PCSK2: variants seen among roughly 807,000 people sequenced by gnomAD.
PCSK2 encodes the protein neuroendocrine convertase 2.
In PCSK2, 14 loss-of-function variants were observed where a neutral mutation model predicts 69.7. The observed-to-expected ratio is 0.20, with a 90% CI of 0.13 to 0.31. The LOEUF is 0.31. Ranked by LOEUF, PCSK2 falls within the 10% of genes least tolerant of loss-of-function variation. The pLI, the probability that PCSK2 is intolerant of heterozygous loss-of-function variation, is 1.00. For missense variants in PCSK2, 544 were observed against 842.5 expected (o/e 0.65, Z 4.39); for synonymous variants, 307 against 320.7 (o/e 0.96, Z 0.46).
intron 11 of PCSK2, among the ~76,000 whole-genome samples, chr20:17,473,694 G>A (rs1351521966): frequency 6.6e-6 from 1 of 152,150 alleles, no homozygotes; most frequent in Non-Finnish European, 1.5e-5. Context: ...AGAAACATCT[G>A]GAAAATACTG....
chr20:17,432,809 T>A lies in PCSK2; in HGVS notation c.709+3286T>A, dbSNP rs6044810. On this transcript the variant is annotated intron_variant, in intron 7 of 11. Coordinates refer to ENST00000262545, the MANE Select transcript of PCSK2 (RefSeq NM_002594.5). ...GCCTTCAGGCCTTTTGTGTGGTCCA[T>A]AGTTACTGTGGGCACCTTCCTGTTG... Among the ~76,000 whole-genome samples, 1,360 of 152,338 alleles carry A rather than the reference T, an allele frequency of 8.9e-3. 7 individuals carry two copies. The highest frequency in any genetic ancestry group is 0.015 in the South Asian group (73 of 4,828).
intron 2 of PCSK2, among the ~76,000 whole-genome samples, chr20:17,342,184 A>G (rs1990529573): frequency 6.6e-6 from 1 of 152,118 alleles, no homozygotes; most frequent in South Asian, 2.1e-4. Flanking sequence ...ACACACATAC[A>G]GCAAAATTAG....
chr20:17,226,719 G>A (rs1321136133), upstream of PCSK2, among the ~76,000 whole-genome samples: 1 of 151,772 alleles, frequency 6.6e-6, no homozygotes, highest in Non-Finnish European at 1.5e-5. Flanking sequence ...TTACAGCTGG[G>A]GGGATTTTCC....
At chr20:17,379,257 C>T (rs966369482) in intron 5 of PCSK2, among the ~76,000 whole-genome samples, 3 of 152,248 alleles carry the variant, frequency 2.0e-5, no homozygotes, top group African/African-American at 4.8e-5. Flanking sequence ...ACACTGCTTG[C>T]CCATGTCTTG....
chr20:17,466,774 T>G (rs1294797549), intron 11 of PCSK2, among the ~76,000 whole-genome samples: 1 of 152,202 alleles, frequency 6.6e-6, no homozygotes, highest in African/African-American at 2.4e-5. Context: ...AGATGAGGCA[T>G]TCCATCAACC....
intron 6 of PCSK2, among the ~76,000 whole-genome samples, chr20:17,417,919 C>A (rs2032037004): frequency 6.6e-6 from 1 of 151,976 alleles, no homozygotes; most frequent in Non-Finnish European, 1.5e-5. Flanking sequence ...TGATTTTTTT[C>A]TAATAACAAG....
intron 5 of PCSK2, among the ~76,000 whole-genome samples, chr20:17,391,450 C>T (rs2031370646): frequency 6.6e-6 from 1 of 152,146 alleles, no homozygotes; most frequent in Admixed American, 6.5e-5. Flanking sequence ...ATGACTTGAA[C>T]ATTTGCTGGT....
intron 5 of PCSK2, among the ~76,000 whole-genome samples, chr20:17,395,683 A>T (rs2031494636): frequency 6.6e-6 from 1 of 152,212 alleles, no homozygotes; most frequent in Non-Finnish European, 1.5e-5. Flanking sequence ...TTATACATAA[A>T]ACTTATATGT....
chr20:17,421,637 T>G (rs1022909060), intron 6 of PCSK2, among the ~76,000 whole-genome samples: 3 of 152,040 alleles, frequency 2.0e-5, no homozygotes, highest in Admixed American at 2.0e-4. Flanking sequence ...CAGCCTCATG[T>G]GCATGAACTT....
intron 1 of PCSK2, among the ~76,000 whole-genome samples, chr20:17,239,841 CTTTTTTTTTTTTTTTTT>C (rs869179656): frequency 8.7e-5 from 6 of 68,648 alleles, no homozygotes; most frequent in African/African-American, 4.0e-4. Flanking sequence ...GGTGAAAACA[CTTTTTTTTTTTTTTTTT>C]TTTTTTTTTT....
At chr20:17,474,457 A>G (rs1027048059) in intron 11 of PCSK2, among the ~76,000 whole-genome samples, 6 of 152,258 alleles carry the variant, frequency 3.9e-5, no homozygotes, top group African/African-American at 1.4e-4. Flanking sequence ...TATGTCTTTC[A>G]GTCTCCCTCC....
At chr20:17,295,590 T>C (rs995130457) in intron 2 of PCSK2, among the ~76,000 whole-genome samples, 4 of 150,652 alleles carry the variant, frequency 2.7e-5, no homozygotes, top group African/African-American at 9.7e-5. Context: ...AGAGACAGAG[T>C]CTTGCTCTGT....
intron 6 of PCSK2, among the ~76,000 whole-genome samples, chr20:17,429,145 C>T (rs1036499464): frequency 1.3e-5 from 2 of 151,428 alleles, no homozygotes; most frequent in Non-Finnish European, 2.9e-5. Flanking sequence ...AAAACACAGC[C>T]TTCTCAGTGA....
chr20:17,392,139 C>T (rs1458068241), intron 5 of PCSK2, among the ~76,000 whole-genome samples: 1 of 152,132 alleles, frequency 6.6e-6, no homozygotes, highest in Non-Finnish European at 1.5e-5. Flanking sequence ...TATGTTTTTC[C>T]TTGAATGGAG....
At position 17,400,665 on chromosome 20, in the gene PCSK2, C is replaced by G. The variant is rs6044784; in HGVS notation, c.544-8598C>G. Among the ~76,000 whole-genome samples, 1,423 of 152,234 alleles carry G rather than the reference C, an allele frequency of 9.3e-3. 9 individuals carry two copies. The highest frequency in any genetic ancestry group is 0.015 in the South Asian group (74 of 4,816). On this transcript the variant is annotated intron_variant, in intron 5 of 11. Coordinates refer to ENST00000262545, the MANE Select transcript of PCSK2 (RefSeq NM_002594.5). ...TCCACCCTAGACCCCACGCCTCTCCCCAGGCAAAGTACTGTAAAAAGACCC... is the reference window on the plus strand; with the variant it reads ...TCCACCCTAGACCCCACGCCTCTCCGCAGGCAAAGTACTGTAAAAAGACCC...
chr20:17,348,987 T>C lies in PCSK2; in HGVS notation c.283-9340T>C, dbSNP rs60324546. On this transcript the variant is annotated intron_variant, in intron 2 of 11. Transcript: ENST00000262545. Reference sequence around the variant, plus strand: ...AACCATAGGACCGTTAACCAGCCACTTGGTGTCTTCATGCCTTCACTCCTA... The same window carrying C: ...AACCATAGGACCGTTAACCAGCCACCTGGTGTCTTCATGCCTTCACTCCTA... 7.5e-4 allele frequency among the ~76,000 whole-genome samples: 114 copies of C among 152,296 alleles called. 1 individual carries two copies. Among genetic ancestry groups the C allele is most frequent in the African/African-American group, 2.6e-3 (109 of 41,562 alleles).
chr20:17,261,455 C>A (rs935735064), intron 2 of PCSK2, among the ~76,000 whole-genome samples: 4 of 152,168 alleles, frequency 2.6e-5, no homozygotes, highest in African/African-American at 9.7e-5. Context: ...AGGCCACAGG[C>A]AATTTTTTCT....
At chr20:17,256,541 C>T (rs542179867) in intron 1 of PCSK2, among the ~76,000 whole-genome samples, 2 of 152,016 alleles carry the variant, frequency 1.3e-5, no homozygotes, top group South Asian at 2.1e-4. Context: ...GTTACCTCTC[C>T]CCAGGTTGTT....
intron 2 of PCSK2, among the ~76,000 whole-genome samples, chr20:17,347,753 G>A (rs1990687230): frequency 6.9e-6 from 1 of 144,284 alleles, no homozygotes; most frequent in African/African-American, 2.6e-5. Context: ...TTCTCAATTT[G>A]CTGTGAACCT....
Sources: gnomAD v4.1 joint callset for allele counts (sites outside exome capture counted in the v4.1 genomes callset) on GRCh38, gnomAD v4.1.1 for gene constraint, MANE v1.5 for transcripts, NCBI Gene and HGNC (gene_info 2026-07-23, HGNC 2026-07-21) for gene names.